Variants in CDKL4 observed in about 807,000 individuals in gnomAD.
The protein encoded by CDKL4 is cyclin dependent kinase like 4.
CDKL4 carries 44 observed loss-of-function variants against 42.0 expected under a neutral mutation model. That is an observed-to-expected ratio of 1.05 (90% confidence interval 0.82 to 1.35). The LOEUF is 1.35. Ranked by LOEUF, CDKL4 falls within the 40% of genes most tolerant of loss-of-function variation. CDKL4 has a pLI of 0.00. For missense variants in CDKL4, 393 were observed against 369.9 expected, an observed-to-expected ratio of 1.06 and a Z score of -0.51; for synonymous variants, 120 against 121.6, an observed-to-expected ratio of 0.99 and a Z score of 0.09.
intron 3 of CDKL4, among the ~76,000 whole-genome samples, chr2:39,224,715 G>C (rs574576110): frequency 6.6e-6 from 1 of 151,898 alleles, no homozygotes; most frequent in Non-Finnish European, 1.5e-5. Context: ...TGTTGGCCAG[G>C]CTTGTCTAGA....
At chr2:39,227,151 G>T (rs1432614259) in intron 2 of CDKL4, among the ~76,000 whole-genome samples, 1 of 152,152 alleles carries the variant, frequency 6.6e-6, no homozygotes, top group Non-Finnish European at 1.5e-5. Flanking sequence ...CTATAAAGCA[G>T]AACTCTCTTG....
chr2:39,178,009 T>G (rs1470996060), intron 9 of CDKL4, among the ~76,000 whole-genome samples: 4 of 152,088 alleles, frequency 2.6e-5, no homozygotes, highest in Non-Finnish European at 5.9e-5. Context: ...AACAGGAGAG[T>G]GTCCTTTTAC....
At chr2:39,198,098 TG>T (rs1197517006) in intron 5 of CDKL4, among the ~76,000 whole-genome samples, 2 of 152,016 alleles carry the variant, frequency 1.3e-5, no homozygotes, top group Non-Finnish European at 2.9e-5. Context: ...GAGACCCACC[TG>T]ACACATAAGG....
At chr2:39,237,909 G>A (rs1250627016) in intron 1 of CDKL4, among the ~76,000 whole-genome samples, 1 of 151,716 alleles carries the variant, frequency 6.6e-6, no homozygotes, top group Non-Finnish European at 1.5e-5. Context: ...TTTATATAAT[G>A]GCAACAAACA....
At chr2:39,244,588 C>A (rs1204814528), upstream of CDKL4, among the ~76,000 whole-genome samples, 4 of 152,226 alleles carry the variant, frequency 2.6e-5, no homozygotes, top group Non-Finnish European at 5.9e-5. Context: ...GCGGCCGGAA[C>A]CTTCCCGACG....
chr2:39,212,908 C>T (rs6727705), intron 4 of CDKL4, among the ~76,000 whole-genome samples: 120 of 149,818 alleles, frequency 8.0e-4, no homozygotes, highest in African/African-American at 2.8e-3. Flanking sequence ...GCCATCTGCC[C>T]GCATTGGCTT....
upstream of CDKL4, among the ~76,000 whole-genome samples, chr2:39,245,453 C>T (rs530156163): frequency 9.8e-5 from 15 of 152,316 alleles, no homozygotes; most frequent in African/African-American, 1.7e-4. Context: ...CTGTAACACT[C>T]ACCGCGAGGG....
chr2:39,225,742 G>C (rs571444659), intron 3 of CDKL4, 97 bp downstream of exon 3: 3 of 1,231,318 alleles, frequency 2.4e-6, no homozygotes, highest in South Asian at 3.2e-5. Context: ...GGTAGAAAGG[G>C]GAATTGTGGC....
chr2:39,207,411 T>C (rs531096122), intron 4 of CDKL4, among the ~76,000 whole-genome samples: 2 of 152,236 alleles, frequency 1.3e-5, no homozygotes, highest in African/African-American at 2.4e-5. Context: ...TTTTGGAATA[T>C]AAATGAACAT....
chr2:39,190,190 T>C, intron 6 of CDKL4, 115 bp downstream of exon 6: 1 of 718,740 alleles, frequency 1.4e-6, no homozygotes, highest in Non-Finnish European at 2.1e-6. Context: ...GAGTGACACT[T>C]TGAAGAAGCA....
chr2:39,220,956 G>C (rs1165829831), intron 3 of CDKL4, among the ~76,000 whole-genome samples: 1 of 102,076 alleles, frequency 9.8e-6, no homozygotes, highest in Non-Finnish European at 1.9e-5. Flanking sequence ...GGCTCAATCC[G>C]CATTCACTAC....
In CDKL4 at chr2:39,208,704, T is replaced by TC. The variant is rs1211517205; in HGVS notation, c.364-4088_364-4087insG. ...GTTGTTGTGGCTGACGGGCAATCTT[T>TC]TTTTTTTTTTTTTTTTTTGGCTCAC... is the stretch of plus-strand genomic sequence containing the variant. On this transcript the variant is annotated intron_variant, in intron 4 of 9. Coordinates refer to ENST00000451199, the Ensembl canonical transcript of CDKL4. Among the ~76,000 whole-genome samples the TC allele has an allele frequency of 2.5e-4, 35 of 141,038 alleles. No individual in the cohort carries two copies. In the South Asian group the frequency reaches 3.1e-3, roughly 13 times the overall value. 92.5% of individuals were successfully genotyped at this position (141,038 alleles called of 152,430 possible). A position where few individuals can be genotyped will look rare whatever the true frequency, so the allele number is the denominator to read the frequency against.
intron 3 of CDKL4, among the ~76,000 whole-genome samples, chr2:39,223,674 A>G (rs1235523295): frequency 2.7e-5 from 4 of 147,236 alleles, no homozygotes. Flanking sequence ...GTGCAGTGGC[A>G]TGATCTCTGC....
intron 1 of CDKL4, among the ~76,000 whole-genome samples, chr2:39,233,706 C>T (rs1464035023): frequency 2.0e-5 from 3 of 151,066 alleles, no homozygotes; most frequent in Non-Finnish European, 4.4e-5. Context: ...CCAAAAATTT[C>T]AGTTAATGAA....
At chr2:39,184,324 C>T (rs1030037655) in intron 8 of CDKL4, among the ~76,000 whole-genome samples, 1 of 152,192 alleles carries the variant, frequency 6.6e-6, no homozygotes, top group Non-Finnish European at 1.5e-5. Flanking sequence ...GGTTTGGCGT[C>T]TCTCTTGGGC....
chr2:39,210,163 G>A (rs1210671718), intron 4 of CDKL4, among the ~76,000 whole-genome samples: 1 of 152,024 alleles, frequency 6.6e-6, no homozygotes, highest in African/African-American at 2.4e-5. Flanking sequence ...GCTAATTTTT[G>A]TATTTTTAGT....
At chr2:39,175,936 A>G (rs1298186926) in exon 10 of CDKL4, 25 of 433,456 alleles carry the variant, frequency 5.8e-5, no homozygotes, top group Non-Finnish European at 1.1e-4. Context: ...GAGAATTCCT[A>G]TCTCACTTGT....
intron 4 of CDKL4, among the ~76,000 whole-genome samples, chr2:39,210,574 A>G (rs532975759): frequency 4.7e-4 from 72 of 152,374 alleles, no homozygotes; most frequent in African/African-American, 1.7e-3. Context: ...TAGGTATTAA[A>G]GAGATACAAA....
At chr2:39,238,813 G>A (rs1238886064) in intron 1 of CDKL4, among the ~76,000 whole-genome samples, 9 of 152,148 alleles carry the variant, frequency 5.9e-5, no homozygotes, top group Non-Finnish European at 1.2e-4. Flanking sequence ...GTGCAGTGGT[G>A]TAATCTTGGC....
Sources: gnomAD v4.1 joint callset for allele counts (sites outside exome capture counted in the v4.1 genomes callset) on GRCh38, gnomAD v4.1.1 for gene constraint, MANE v1.5 for transcripts, NCBI Gene and HGNC (gene_info 2026-07-23, HGNC 2026-07-21) for gene names.